The following NMD3 variants were observed in gnomAD, a reference collection of about 807,000 sequenced individuals.
NMD3 encodes NMD3 ribosome export adaptor, also known as 60S ribosomal export protein NMD3.
In NMD3, 47 loss-of-function variants were observed where a neutral mutation model predicts 73.1. That is an observed-to-expected ratio of 0.64 (90% CI 0.51 to 0.82). NMD3 has a LOEUF of 0.82. Among genes scored for constraint, NMD3 ranks in the 40% least tolerant of loss-of-function variants. The pLI, the probability that NMD3 is intolerant of heterozygous loss-of-function variation, is 0.00. For synonymous variants in NMD3, 210 were observed against 194.5 expected (o/e 1.08, Z -0.66); for missense variants, 554 against 612.5 (o/e 0.90, Z 1.01).
In NMD3 at chr3:161,252,128, G is replaced by T. The variant is rs1160035158; in HGVS notation, c.*1218G>T. On this transcript the variant is annotated 3_prime_UTR_variant, in exon 16 of 16. Transcript: ENST00000351193. ...GTCTGCATATTTTGTTAAAATTGTG[G>T]ATCTAAAAGCCATATCCTGTCTTTG... is the stretch of plus-strand genomic sequence containing the variant. 6.6e-6 allele frequency: 1 copy of T among 151,934 alleles called. No individual in the cohort carries two copies. The highest frequency in any genetic ancestry group is 2.4e-5 in the African/African-American group (1 of 41,338). The allele number at this position is 151,934 out of a possible 1,614,324, so 9.4% of individuals were successfully genotyped here. A position where few individuals can be genotyped will look rare whatever the true frequency, so the allele number is the denominator to read the frequency against.
rs1326637354 is a variant in NMD3 at position 161,241,297 on chromosome 3, A to T, written c.871+134A>T. 3 of 567,418 alleles carry T rather than the reference A, an allele frequency of 5.3e-6. No homozygotes were observed. The East Asian group carries it at 9.4e-5, about 18-fold the overall frequency. 35.1% of individuals were successfully genotyped at this position (567,418 alleles called of 1,614,324 possible). Reference sequence around the variant, plus strand: ...TAGTTAAAATTTGTGCTATTGTTTAATACAAAACATTGTGGAATTTGCAAG... The same window carrying T: ...TAGTTAAAATTTGTGCTATTGTTTATTACAAAACATTGTGGAATTTGCAAG... On this transcript the variant is annotated intron_variant, in intron 10 of 15. Transcript: ENST00000351193.
Position 161,228,365 on chromosome 3 carries a change from T to G in NMD3, c.276+1022T>G, listed in dbSNP as rs541035193. Among the ~76,000 whole-genome samples, 26 of 152,298 alleles carry G rather than the reference T, an allele frequency of 1.7e-4. No homozygotes were observed. In the South Asian group the frequency reaches 4.6e-3, roughly 27 times the overall value. ...AACTTTGTCTTTTTCCCTTCATATT[T>G]TAAAAAACCTTTTTGGTTTTTTTCG... On this transcript the variant is annotated intron_variant, in intron 4 of 15. Transcript: ENST00000351193.
In NMD3 at chr3:161,235,141, T is replaced by G. The variant is rs756400426; in HGVS notation, c.506T>G (p.Phe169Cys). The G allele has an allele frequency of 2.0e-6, 3 of 1,530,314 alleles. No individual in the cohort carries two copies. The Admixed American group carries it at 5.8e-5, about 29-fold the overall frequency. 94.8% of individuals were successfully genotyped at this position (1,530,314 alleles called of 1,614,324 possible). A position where few individuals can be genotyped will look rare whatever the true frequency, so the allele number is the denominator to read the frequency against. The change falls in exon 7 of 16, where the codon TTC becomes TGC. Residue 169 changes from phenylalanine to cysteine, a missense_variant. By Grantham distance (205) the Phe-to-Cys change is radical. Coordinates refer to ENST00000351193, the MANE Select transcript of NMD3 (RefSeq NM_015938.5). ...VRQKTLHKKT[F>C]YYLEQLILKY... ...TTTTAGACTTTGCATAAAAAAACTT[T>G]CTACTATCTGGAACAGTTAATTCTG...
At chr3:161,224,092 T>C (rs1258962561) in intron 2 of NMD3, among the ~76,000 whole-genome samples, 1 of 152,210 alleles carries the variant, frequency 6.6e-6, no homozygotes, top group Non-Finnish European at 1.5e-5. Context: ...AAAATTAAAA[T>C]TAGTGCAAGA....
At chr3:161,225,870 G>GTA (rs1194141199) in intron 3 of NMD3, among the ~76,000 whole-genome samples, 2 of 151,860 alleles carry the variant, frequency 1.3e-5, no homozygotes, top group African/African-American at 2.4e-5. Flanking sequence ...GTGTGTGTGT[G>GTA]TATATATACA....
intron 4 of NMD3, among the ~76,000 whole-genome samples, chr3:161,232,537 C>T (rs1004943456): frequency 3.3e-5 from 5 of 152,248 alleles, no homozygotes; most frequent in South Asian, 2.1e-4. Context: ...TTGTTTATTT[C>T]GGTATAGGTA....
At chr3:161,237,663 C>G (rs1464298166) in intron 7 of NMD3, among the ~76,000 whole-genome samples, 2 of 151,780 alleles carry the variant, frequency 1.3e-5, no homozygotes, top group African/African-American at 4.8e-5. Context: ...CCTCAGCCTC[C>G]CAAGTAGCTG....
At chr3:161,237,334 A>C (rs561934635) in intron 7 of NMD3, among the ~76,000 whole-genome samples, 1 of 152,018 alleles carries the variant, frequency 6.6e-6, no homozygotes, top group Non-Finnish European at 1.5e-5. Flanking sequence ...TGGTTATTCA[A>C]GTTCTGTGAA....
intron 11 of NMD3, among the ~76,000 whole-genome samples, chr3:161,243,683 A>C (rs1203608001): frequency 1.3e-5 from 2 of 152,054 alleles, no homozygotes; most frequent in African/African-American, 4.8e-5. Flanking sequence ...TTCTTAATTC[A>C]TTGTGTTTCC....
intron 9 of NMD3, among the ~76,000 whole-genome samples, chr3:161,240,845 T>G (rs1000371237): frequency 3.9e-5 from 6 of 152,244 alleles, no homozygotes; most frequent in African/African-American, 7.2e-5. Context: ...GGATTTTTTT[T>G]TTTTTAAAGC....
At chr3:161,227,037 TTCTC>T (rs1412861290) in intron 3 of NMD3, among the ~76,000 whole-genome samples, 7 of 152,334 alleles carry the variant, frequency 4.6e-5, no homozygotes, top group Middle Eastern at 3.4e-3. Context: ...CAGATTGACT[TTCTC>T]AGTCAGAATT....
At chr3:161,230,195 C>T in intron 4 of NMD3, among the ~76,000 whole-genome samples, 1 of 152,114 alleles carries the variant, frequency 6.6e-6, no homozygotes, top group Non-Finnish European at 1.5e-5. Context: ...AACTCCTGGG[C>T]TCAGGTGATC....
chr3:161,235,928 CTATTA>C (rs1475264595), intron 7 of NMD3, among the ~76,000 whole-genome samples: 1 of 151,990 alleles, frequency 6.6e-6, no homozygotes, highest in East Asian at 1.9e-4. Flanking sequence ...CTACTTTTAT[CTATTA>C]TGTTAGTTTT....
At chr3:161,241,682 G>T (rs1452682770) in intron 10 of NMD3, among the ~76,000 whole-genome samples, 1 of 152,144 alleles carries the variant, frequency 6.6e-6, no homozygotes, top group Middle Eastern at 3.4e-3. Context: ...GCCTCCCAAG[G>T]TGCTGGGATT....
intron 14 of NMD3, 22 bp downstream of exon 14, chr3:161,249,582 C>T: frequency 1.5e-6 from 2 of 1,360,994 alleles, no homozygotes; most frequent in South Asian, 2.4e-5. Context: ...CTTTAAATCT[C>T]TTATGTTGTC....
At chr3:161,237,831 C>A (rs1417595511) in intron 7 of NMD3, among the ~76,000 whole-genome samples, 1 of 151,986 alleles carries the variant, frequency 6.6e-6, no homozygotes, top group Admixed American at 6.6e-5. Flanking sequence ...CCCGGCTGTT[C>A]ATAAACTTTC....
chr3:161,250,231 G>T (rs1451921472), intron 14 of NMD3, 25 bp from the exon 15 acceptor site: 26 of 1,291,312 alleles, frequency 2.0e-5, no homozygotes, highest in African/African-American at 2.9e-5. Flanking sequence ...TTTTGGTGAT[G>T]AAATATTTAA....
In NMD3 at chr3:161,239,163, C is replaced by A. The variant is rs146514813; in HGVS notation, c.753+337C>A. 6.0e-4 allele frequency among the ~76,000 whole-genome samples: 91 copies of A among 152,066 alleles called. No homozygotes were observed. The East Asian group carries it at 0.011, about 18-fold the overall frequency. On this transcript the variant is annotated intron_variant, in intron 9 of 15. Coordinates refer to ENST00000351193, the MANE Select transcript of NMD3 (RefSeq NM_015938.5). ...TGAATAAAAGAAATGACATTAAAAT[C>A]AATATTAGTGAGCCACTTTGTGGAA... is the stretch of plus-strand genomic sequence containing the variant.
At chr3:161,223,767 C>T (rs192271455) in intron 2 of NMD3, among the ~76,000 whole-genome samples, 65 of 152,300 alleles carry the variant, frequency 4.3e-4, no homozygotes, top group Non-Finnish European at 8.4e-4. Flanking sequence ...CTTACATATT[C>T]TTGATACAGG....
Sources: allele counts gnomAD v4.1 joint callset (sites outside exome capture counted in the v4.1 genomes callset), GRCh38; gene constraint gnomAD v4.1.1; transcripts MANE v1.5; gene names NCBI Gene and HGNC (gene_info 2026-07-23, HGNC 2026-07-21).